PDCD2L: variants seen among roughly 807,000 people sequenced by gnomAD.
PDCD2L encodes programmed cell death 2 like, also known as uS5 assembly chaperone PDCD2L.
Under a neutral mutation model 40.4 loss-of-function variants are expected in PDCD2L, and 44 were observed. The observed-to-expected ratio is 1.09, with a 90% CI of 0.86 to 1.40. PDCD2L has a LOEUF of 1.40. PDCD2L is among the 40% of genes most tolerant of loss of function. PDCD2L has a pLI of 0.00. For synonymous variants in PDCD2L, 194 were observed against 174.6 expected (o/e 1.11, Z -0.88); for missense variants, 470 against 453.7 (o/e 1.04, Z -0.33).
chr19:34,414,881 C>T (rs1209613796), intron 5 of PDCD2L, among the ~76,000 whole-genome samples: 1 of 152,142 alleles, frequency 6.6e-6, no homozygotes, highest in Non-Finnish European at 1.5e-5. Context: ...TCATTGCTCA[C>T]TGTAACAACT....
chr19:34,418,773 T>G (rs563400137), intron 5 of PDCD2L, among the ~76,000 whole-genome samples: 7 of 152,382 alleles, frequency 4.6e-5, no homozygotes, highest in African/African-American at 1.7e-4. Context: ...ATATCTTTGC[T>G]AATGCTTGGG....
At chr19:34,425,831 T>C (rs572691263) in intron 6 of PDCD2L, among the ~76,000 whole-genome samples, 159 bp from the exon 7 acceptor site, 3 of 152,358 alleles carry the variant, frequency 2.0e-5, no homozygotes, top group Non-Finnish European at 4.4e-5. Context: ...TATTCACTTA[T>C]TATAGGATAG....
At chr19:34,413,020 G>A (rs996947093) in intron 4 of PDCD2L, among the ~76,000 whole-genome samples, 2 of 151,868 alleles carry the variant, frequency 1.3e-5, no homozygotes, top group African/African-American at 2.4e-5. Flanking sequence ...GATTACAGGC[G>A]TGAGCCCACT....
intron 5 of PDCD2L, among the ~76,000 whole-genome samples, chr19:34,421,032 G>A (rs1019275707): frequency 3.3e-5 from 5 of 152,216 alleles, no homozygotes; most frequent in African/African-American, 4.8e-5. Context: ...TAGGATTTGC[G>A]CTCCTATGAG....
chr19:34,419,543 A>G (rs529323953), intron 5 of PDCD2L, among the ~76,000 whole-genome samples: 1 of 148,836 alleles, frequency 6.7e-6, no homozygotes, highest in African/African-American at 2.5e-5. Context: ...TATGTGGCCT[A>G]GGCTGGTCTT....
rs1177586336 is a variant in PDCD2L at position 34,408,964 on chromosome 19, A to G, written c.337-197A>G. On this transcript the variant is annotated intron_variant, in intron 3 of 6. Coordinates refer to ENST00000246535, the MANE Select transcript of PDCD2L (RefSeq NM_032346.2). Reference sequence around the variant, plus strand: ...ATCTGTCACACTCACCCCAAAAAGGAAAGACAAGTATTTTAAGTCACCTCC... The same window carrying G: ...ATCTGTCACACTCACCCCAAAAAGGGAAGACAAGTATTTTAAGTCACCTCC... 1.0e-5 allele frequency: 6 copies of G among 585,830 alleles called. No homozygotes were observed. In the South Asian group the frequency reaches 1.1e-4, roughly 11 times the overall value. 36.3% of individuals were successfully genotyped at this position (585,830 alleles called of 1,614,324 possible). A position where few individuals can be genotyped will look rare whatever the true frequency, so the allele number is the denominator to read the frequency against.
intron 6 of PDCD2L, among the ~76,000 whole-genome samples, chr19:34,424,436 A>G (rs2075166638): frequency 6.6e-6 from 1 of 152,190 alleles, no homozygotes; most frequent in South Asian, 2.1e-4. Flanking sequence ...CTTACTAAAA[A>G]GTTTTAGAGC....
chr19:34,425,451 C>T (rs1777801572), intron 6 of PDCD2L, among the ~76,000 whole-genome samples: 1 of 151,754 alleles, frequency 6.6e-6, no homozygotes. Context: ...TACAGGTGTG[C>T]ACCGTTACAC....
At chr19:34,415,503 CAG>C (rs1208868141) in intron 5 of PDCD2L, among the ~76,000 whole-genome samples, 1 of 152,068 alleles carries the variant, frequency 6.6e-6, no homozygotes, top group Admixed American at 6.6e-5. Flanking sequence ...AGAAAGGCCT[CAG>C]AGGAAATGAC....
chr19:34,422,573 ATG>A (rs2075157081), intron 6 of PDCD2L, among the ~76,000 whole-genome samples: 1 of 152,302 alleles, frequency 6.6e-6, no homozygotes, highest in African/African-American at 2.4e-5. Context: ...AGTCAGATGA[ATG>A]TATGGATGGC....
intron 6 of PDCD2L, among the ~76,000 whole-genome samples, chr19:34,423,787 G>C (rs1279090729): frequency 6.6e-6 from 1 of 152,086 alleles, no homozygotes; most frequent in African/African-American, 2.4e-5. Flanking sequence ...ACCGCGCCTG[G>C]CCAGTATCAT....
chr19:34,410,762 T>TTTTATTTA (rs1555724388), intron 4 of PDCD2L, among the ~76,000 whole-genome samples: 43 of 146,322 alleles, frequency 2.9e-4, no homozygotes, highest in African/African-American at 6.7e-4. Context: ...ACTTTTTATT[T>TTTTATTTA]TTTATTTATT....
At chr19:34,413,038 C>A (rs2075111358) in intron 4 of PDCD2L, among the ~76,000 whole-genome samples, 1 of 147,712 alleles carries the variant, frequency 6.8e-6, no homozygotes, top group East Asian at 2.1e-4. Context: ...ACTGCACTGG[C>A]CTGAGAAATT....
intron 5 of PDCD2L, among the ~76,000 whole-genome samples, chr19:34,416,145 T>C (rs994407827): frequency 1.3e-5 from 2 of 152,192 alleles, no homozygotes; most frequent in African/African-American, 2.4e-5. Flanking sequence ...GGTCTCGAAC[T>C]CCCGACTTCT....
At position 34,414,474 on chromosome 19, in the gene PDCD2L, C is replaced by CTTTTT. The variant is rs35413401; in HGVS notation, c.797+651_797+655dup. On this transcript the variant is annotated intron_variant, in intron 5 of 6. Coordinates refer to ENST00000246535, the MANE Select transcript of PDCD2L (RefSeq NM_032346.2). ...TACAAGTGTGAGCCACCATGCCTGG[C>CTTTTT]TTTTTTTTTTTTTTTTTTTTTTTTT... Among the ~76,000 whole-genome samples, 14 of 39,790 alleles carry CTTTTT rather than the reference C, an allele frequency of 3.5e-4. 1 individual carries two copies. Among genetic ancestry groups the CTTTTT allele is most frequent in the African/African-American group, 1.4e-3 (14 of 10,314 alleles). 26.1% of individuals were successfully genotyped at this position (39,790 alleles called of 152,430 possible). A position where few individuals can be genotyped will look rare whatever the true frequency, so the allele number is the denominator to read the frequency against.
chr19:34,407,913 AGTTT>A (rs541716922), intron 3 of PDCD2L, among the ~76,000 whole-genome samples: 35 of 152,086 alleles, frequency 2.3e-4, no homozygotes, highest in South Asian at 4.2e-4. Flanking sequence ...ATATACACTG[AGTTT>A]GTTTGTTTGT....
intron 6 of PDCD2L, chr19:34,421,872 A>C: frequency 4.4e-6 from 2 of 449,998 alleles, no homozygotes; most frequent in South Asian, 5.2e-5. Context: ...GGTGGATCAC[A>C]AGGTCAGGAG....
intron 5 of PDCD2L, among the ~76,000 whole-genome samples, chr19:34,418,380 A>G (rs748336883): frequency 2.0e-5 from 3 of 152,086 alleles, no homozygotes; most frequent in Non-Finnish European, 4.4e-5. Context: ...ATATAAGGTC[A>G]TATGGGATAT....
At chr19:34,414,474 CTTTTTTTT>C (rs35413401) in intron 5 of PDCD2L, among the ~76,000 whole-genome samples, 3 of 39,790 alleles carry the variant, frequency 7.5e-5, no homozygotes, top group African/African-American at 1.9e-4. Flanking sequence ...CCATGCCTGG[CTTTTTTTT>C]TTTTTTTTTT....
Sources: gnomAD v4.1 joint callset for allele counts (sites outside exome capture counted in the v4.1 genomes callset) on GRCh38, gnomAD v4.1.1 for gene constraint, MANE v1.5 for transcripts, NCBI Gene and HGNC (gene_info 2026-07-23, HGNC 2026-07-21) for gene names.